The following PLCH1 variants were observed in gnomAD, a reference collection of about 807,000 sequenced individuals.
PLCH1 encodes phospholipase C eta 1, also known as 1-phosphatidylinositol 4,5-bisphosphate phosphodiesterase eta-1.
Under a neutral mutation model 126.7 loss-of-function variants are expected in PLCH1, and 60 were observed. That is an observed-to-expected ratio of 0.47 (90% confidence interval 0.38 to 0.59). The LOEUF is 0.59. Ranked by LOEUF, PLCH1 falls within the 20% of genes least tolerant of loss-of-function variation. PLCH1 has a pLI of 0.00. For synonymous variants in PLCH1, 719 were observed against 734.9 expected (o/e 0.98, Z 0.35); for missense variants, 1,723 against 2,040.0 (o/e 0.84, Z 2.99).
intron 2 of PLCH1, among the ~76,000 whole-genome samples, chr3:155,648,534 C>T (rs141307083): frequency 6.6e-5 from 10 of 152,278 alleles, no homozygotes; most frequent in Non-Finnish European, 1.0e-4. Flanking sequence ...AATTTCCCTA[C>T]GTGCCTCAGT....
intron 21 of PLCH1, among the ~76,000 whole-genome samples, chr3:155,470,194 T>C (rs563611601): frequency 6.6e-6 from 1 of 151,464 alleles, no homozygotes; most frequent in Admixed American, 6.6e-5. Context: ...TTTAGAAGAA[T>C]GTATAACTAG....
At chr3:155,666,032 G>A (rs115374057) in intron 2 of PLCH1, among the ~76,000 whole-genome samples, 195 of 152,304 alleles carry the variant, frequency 1.3e-3, no homozygotes, top group African/African-American at 3.7e-3. Flanking sequence ...CAGTATAGAT[G>A]TGCTATCATT....
At chr3:155,554,757 T>C (rs898798741) in intron 8 of PLCH1, among the ~76,000 whole-genome samples, 11 of 152,214 alleles carry the variant, frequency 7.2e-5, no homozygotes, top group Middle Eastern at 3.2e-3. Flanking sequence ...TTATGTGAAT[T>C]TGGGCAAATA....
intron 21 of PLCH1, among the ~76,000 whole-genome samples, chr3:155,458,677 G>A (rs965872108): frequency 1.3e-5 from 2 of 152,158 alleles, no homozygotes; most frequent in Non-Finnish European, 2.9e-5. Context: ...GTCCCATGGA[G>A]GCAGATTTCA....
At chr3:155,550,575 T>C (rs910061950) in intron 9 of PLCH1, among the ~76,000 whole-genome samples, 5 of 152,206 alleles carry the variant, frequency 3.3e-5, no homozygotes, top group African/African-American at 1.2e-4. Flanking sequence ...CTCAGGTTTC[T>C]GCACAGAAAA....
chr3:155,531,579 G>A (rs900788176), intron 10 of PLCH1, among the ~76,000 whole-genome samples: 2 of 152,146 alleles, frequency 1.3e-5, no homozygotes, highest in Non-Finnish European at 2.9e-5. Flanking sequence ...GACCCAAGAT[G>A]GCGCCACTGC....
chr3:155,616,669 A>T (rs1195862835), intron 2 of PLCH1, among the ~76,000 whole-genome samples: 1 of 152,162 alleles, frequency 6.6e-6, no homozygotes, highest in African/African-American at 2.4e-5. Context: ...CTGCTTGCCT[A>T]CAGGAAAAGG....
chr3:155,676,553 A>C, intron 2 of PLCH1: 2 of 176,942 alleles, frequency 1.1e-5, no homozygotes, highest in Non-Finnish European at 2.2e-5. Flanking sequence ...ACACACAGAG[A>C]CACAGAAGCA....
intron 21 of PLCH1, among the ~76,000 whole-genome samples, chr3:155,486,657 T>G (rs1214772547): frequency 2.0e-5 from 3 of 151,578 alleles, no homozygotes; most frequent in Non-Finnish European, 4.4e-5. Flanking sequence ...CCCGAGTAGC[T>G]GGGACTACAG....
chr3:155,578,383 G>T (rs993195312), intron 6 of PLCH1, among the ~76,000 whole-genome samples: 2 of 152,114 alleles, frequency 1.3e-5, no homozygotes, highest in African/African-American at 4.8e-5. Flanking sequence ...TCATAAAAGT[G>T]AATCTGTTAT....
At chr3:155,520,204 C>T (rs2108273996) in intron 11 of PLCH1, among the ~76,000 whole-genome samples, 1 of 152,310 alleles carries the variant, frequency 6.6e-6, no homozygotes, top group South Asian at 2.1e-4. Flanking sequence ...ACAGCAAGAC[C>T]TTGTAACCTC....
At chr3:155,630,383 T>C (rs116584169) in intron 2 of PLCH1, among the ~76,000 whole-genome samples, 2,818 of 152,350 alleles carry the variant, frequency 0.018, 95 homozygotes, top group African/African-American at 0.066. Flanking sequence ...CTTGTGCTAA[T>C]ACCAAAGAAC....
intron 21 of PLCH1, among the ~76,000 whole-genome samples, chr3:155,487,570 A>C (rs183817353): frequency 6.6e-6 from 1 of 152,348 alleles, no homozygotes; most frequent in African/African-American, 2.4e-5. Context: ...TTAGATTTTC[A>C]GTTAAAAACA....
At chr3:155,702,138 T>C (rs1746326564) in intron 2 of PLCH1, among the ~76,000 whole-genome samples, 1 of 152,294 alleles carries the variant, frequency 6.6e-6, no homozygotes, top group South Asian at 2.1e-4. Context: ...AATACAGTAA[T>C]TGTAATTCTC....
chr3:155,503,537 C>CTTTTTTTTTT, intron 13 of PLCH1, among the ~76,000 whole-genome samples: 1 of 144,428 alleles, frequency 6.9e-6, no homozygotes, highest in African/African-American at 2.5e-5. Flanking sequence ...TTACTTCTGT[C>CTTTTTTTTTT]TTTTTTTTTT....
chr3:155,457,905 A>G (rs1339558961), intron 21 of PLCH1, among the ~76,000 whole-genome samples: 2 of 152,088 alleles, frequency 1.3e-5, no homozygotes, highest in African/African-American at 4.8e-5. Flanking sequence ...CACCTCACCC[A>G]TGGCTATTAC....
chr3:155,503,077 T>C (rs1243928123), intron 13 of PLCH1, among the ~76,000 whole-genome samples: 1 of 152,228 alleles, frequency 6.6e-6, no homozygotes, highest in East Asian at 1.9e-4. Context: ...TAACATCTTT[T>C]TTCACTATTT....
intron 2 of PLCH1, among the ~76,000 whole-genome samples, chr3:155,686,311 A>G (rs879463275): frequency 9.9e-5 from 15 of 152,228 alleles, no homozygotes; most frequent in Non-Finnish European, 2.2e-4. Context: ...GTAGTTTGTC[A>G]ACTGTAGATC....
intron 10 of PLCH1, among the ~76,000 whole-genome samples, chr3:155,534,651 G>A (rs1292646384): frequency 6.6e-6 from 1 of 152,158 alleles, no homozygotes; most frequent in Non-Finnish European, 1.5e-5. Context: ...GATATGGTTT[G>A]GCTGTGTTCC....
Sources: gnomAD v4.1 joint callset for allele counts (sites outside exome capture counted in the v4.1 genomes callset) on GRCh38, gnomAD v4.1.1 for gene constraint, MANE v1.5 for transcripts, NCBI Gene and HGNC (gene_info 2026-07-23, HGNC 2026-07-21) for gene names.